NBAS: variants seen among roughly 807,000 people sequenced by gnomAD.
NBAS encodes NAG/BC035112 fusion.
NBAS carries 219 observed loss-of-function variants against 302.5 expected under a neutral mutation model. The ratio of observed to expected loss-of-function variants is 0.72; its 90% CI spans 0.65 to 0.81. The LOEUF (loss-of-function observed/expected upper bound fraction) is 0.81, where lower values mean the gene tolerates loss of function less well. NBAS is among the 30% of genes least tolerant of loss of function. NBAS has a pLI of 0.00. For missense variants in NBAS, 2,932 were observed against 2,841.6 expected (o/e 1.03, Z -0.72); for synonymous variants, 1,118 against 1,021.6 (o/e 1.09, Z -1.80).
At chr2:15,164,259 G>A (rs1663962539), downstream of NBAS, among the ~76,000 whole-genome samples, 2 of 152,222 alleles carry the variant, frequency 1.3e-5, no homozygotes, top group Non-Finnish European at 1.5e-5. Flanking sequence ...AGAGCAGAGT[G>A]TGTCATTCAA....
the NBAS span, among the ~76,000 whole-genome samples, chr2:15,142,659 G>A: frequency 1.8e-4 from 27 of 152,144 alleles, no homozygotes; most frequent in African/African-American, 5.3e-4. Flanking sequence ...CCTGTTCCCC[G>A]AAGGGGCTAT....
intron 51 of NBAS, 42 bp downstream of exon 51, chr2:15,178,946 T>TAA: frequency 1.5e-5 from 22 of 1,484,916 alleles, no homozygotes; most frequent in Non-Finnish European, 1.7e-5. Flanking sequence ...TTTGAAACAT[T>TAA]AAAAAAAAAA....
chr2:15,456,986 G>A (rs1377082666), intron 21 of NBAS, among the ~76,000 whole-genome samples: 1 of 152,138 alleles, frequency 6.6e-6, no homozygotes, highest in African/African-American at 2.4e-5. Context: ...TTTATGAAGA[G>A]ATATGCTGAG....
chr2:15,143,858 C>T, the NBAS span, among the ~76,000 whole-genome samples: 1 of 151,650 alleles, frequency 6.6e-6, no homozygotes, highest in East Asian at 1.9e-4. Flanking sequence ...AAAAGGGAGA[C>T]TCGCCTAGCC....
intron 34 of NBAS, among the ~76,000 whole-genome samples, chr2:15,353,272 A>G (rs1240419894): frequency 1.3e-5 from 2 of 152,190 alleles, no homozygotes. Flanking sequence ...TTTAATTCAC[A>G]ACACTAACTT....
At chr2:15,385,234 C>T (rs1675229662) in intron 28 of NBAS, among the ~76,000 whole-genome samples, 1 of 152,128 alleles carries the variant, frequency 6.6e-6, no homozygotes, top group African/African-American at 2.4e-5. Flanking sequence ...ACTCTTTAGC[C>T]TTCAAAAAAC....
chr2:15,233,915 AATTGTATT>A (rs1207465819), intron 46 of NBAS, among the ~76,000 whole-genome samples: 2 of 152,198 alleles, frequency 1.3e-5, no homozygotes, highest in Non-Finnish European at 2.9e-5. Flanking sequence ...CTTTTAGCCT[AATTGTATT>A]ATTCACAGAA....
the NBAS span, among the ~76,000 whole-genome samples, chr2:14,867,208 G>A: frequency 6.6e-6 from 1 of 152,176 alleles, no homozygotes; most frequent in Non-Finnish European, 1.5e-5. Flanking sequence ...CTAAGGTCCA[G>A]GAGTCAATAA....
chr2:15,309,687 C>T (rs1026551948), intron 38 of NBAS, among the ~76,000 whole-genome samples: 7 of 152,108 alleles, frequency 4.6e-5, no homozygotes, highest in African/African-American at 1.7e-4. Flanking sequence ...TTGATTACTA[C>T]AATGATGATA....
intron 44 of NBAS, among the ~76,000 whole-genome samples, chr2:15,261,672 G>C (rs1441797178): frequency 1.3e-5 from 2 of 152,154 alleles, no homozygotes; most frequent in East Asian, 1.9e-4. Context: ...ACATTCCTAA[G>C]TTTTTCAATA....
At chr2:14,916,047 C>T in the NBAS span, among the ~76,000 whole-genome samples, 1 of 152,130 alleles carries the variant, frequency 6.6e-6, no homozygotes, top group Admixed American at 6.5e-5. Flanking sequence ...ATGTCTTTAT[C>T]AGCAGCATGA....
intron 45 of NBAS, 45 bp downstream of exon 45, chr2:15,238,423 A>G (rs1179363606): frequency 6.4e-7 from 1 of 1,571,258 alleles, no homozygotes; most frequent in Non-Finnish European, 8.7e-7. Context: ...AAAAGAAAGA[A>G]TATACTGATA....
intron 11 of NBAS, among the ~76,000 whole-genome samples, chr2:15,498,133 G>A (rs1358119893): frequency 2.0e-5 from 3 of 152,088 alleles, no homozygotes; most frequent in East Asian, 1.9e-4. Context: ...ATACAGAAAC[G>A]GGAAGTAGCT....
chr2:15,430,422 C>T (rs1449000550), intron 21 of NBAS, among the ~76,000 whole-genome samples: 1 of 152,176 alleles, frequency 6.6e-6, no homozygotes, highest in East Asian at 1.9e-4. Flanking sequence ...ACTACTGCTG[C>T]TGTATCAGCA....
chr2:15,248,823 C>T (rs1299841823), intron 44 of NBAS, among the ~76,000 whole-genome samples: 1 of 152,088 alleles, frequency 6.6e-6, no homozygotes, highest in African/African-American at 2.4e-5. Context: ...CAATTAATAG[C>T]CTCCCAACCA....
At chr2:15,321,496 T>C (rs1671803377) in intron 38 of NBAS, among the ~76,000 whole-genome samples, 1 of 152,060 alleles carries the variant, frequency 6.6e-6, no homozygotes, top group African/African-American at 2.4e-5. Flanking sequence ...AATCTACCCA[T>C]CTGACAAAGG....
the NBAS span, among the ~76,000 whole-genome samples, chr2:14,804,301 A>T: frequency 6.6e-6 from 1 of 152,112 alleles, no homozygotes; most frequent in Non-Finnish European, 1.5e-5. Context: ...TTTATTGTTG[A>T]CTTCACTGTT....
At chr2:15,424,268 G>A (rs1677352100) in intron 23 of NBAS, 47 bp downstream of exon 23, 4 of 1,608,648 alleles carry the variant, frequency 2.5e-6, no homozygotes, top group South Asian at 1.1e-5. Flanking sequence ...AAGGATCCAA[G>A]GCAGTTCCAC....
At chr2:15,080,680 G>A in the NBAS span, among the ~76,000 whole-genome samples, 7 of 152,294 alleles carry the variant, frequency 4.6e-5, no homozygotes, top group East Asian at 1.9e-4. Flanking sequence ...CAGAAGACCC[G>A]ACAGCTTCAC....
Sources: gnomAD v4.1 joint callset for allele counts (sites outside exome capture counted in the v4.1 genomes callset) on GRCh38, gnomAD v4.1.1 for gene constraint, MANE v1.5 for transcripts, NCBI Gene and HGNC (gene_info 2026-07-23, HGNC 2026-07-21) for gene names.